Variants in CCBE1 observed in about 807,000 individuals in gnomAD.
The protein encoded by CCBE1 is collagen and calcium-binding EGF domain-containing protein 1.
CCBE1 carries 37 observed loss-of-function variants against 50.0 expected under a neutral mutation model. The ratio of observed to expected loss-of-function variants is 0.74; its 90% CI spans 0.57 to 0.97. CCBE1 has a LOEUF of 0.97. CCBE1 is among the 50% of genes least tolerant of loss of function. The pLI, the probability that CCBE1 is intolerant of heterozygous loss-of-function variation, is 0.00. For missense variants in CCBE1, 538 were observed against 523.8 expected, an observed-to-expected ratio of 1.03 and a Z score of -0.26; for synonymous variants, 234 against 203.7, an observed-to-expected ratio of 1.15 and a Z score of -1.27.
intron 2 of CCBE1, among the ~76,000 whole-genome samples, chr18:59,492,754 G>A (rs553566363): frequency 6.6e-6 from 1 of 152,322 alleles, no homozygotes; most frequent in Non-Finnish European, 1.5e-5. Flanking sequence ...AAGCCAAAAT[G>A]ACAGAAGGAA....
intron 3 of CCBE1, among the ~76,000 whole-genome samples, chr18:59,478,377 T>C (rs1218865046): frequency 6.6e-6 from 1 of 152,212 alleles, no homozygotes; most frequent in South Asian, 2.1e-4. Flanking sequence ...CATTCTTTGA[T>C]GATAGAAACA....
chr18:59,619,499 G>T (rs559137521), intron 2 of CCBE1, among the ~76,000 whole-genome samples: 2 of 152,286 alleles, frequency 1.3e-5, no homozygotes, highest in Non-Finnish European at 2.9e-5. Context: ...GCAAGTTGTT[G>T]TAAAGGTACA....
intron 2 of CCBE1, among the ~76,000 whole-genome samples, chr18:59,522,993 C>CTAA (rs1914669526): frequency 2.4e-4 from 21 of 89,166 alleles, no homozygotes; most frequent in African/African-American, 7.9e-4. Context: ...GACTCTGTTT[C>CTAA]AAAAAAAAAA....
At chr18:59,536,651 G>A (rs887876027) in intron 2 of CCBE1, among the ~76,000 whole-genome samples, 2 of 152,068 alleles carry the variant, frequency 1.3e-5, no homozygotes, top group Non-Finnish European at 2.9e-5. Context: ...AAAACAACAC[G>A]TATTCAACAG....
chr18:59,528,433 TC>T (rs1426227185), intron 2 of CCBE1, among the ~76,000 whole-genome samples: 1 of 152,212 alleles, frequency 6.6e-6, no homozygotes, highest in Non-Finnish European at 1.5e-5. Flanking sequence ...TCAGTGAAGT[TC>T]GTTATTACCC....
intron 3 of CCBE1, among the ~76,000 whole-genome samples, chr18:59,471,788 A>G (rs1912047753): frequency 6.6e-6 from 1 of 152,202 alleles, no homozygotes; most frequent in African/African-American, 2.4e-5. Flanking sequence ...GGAAGAAAGG[A>G]TATCTGCCTT....
chr18:59,461,669 A>G (rs558381802), intron 5 of CCBE1, among the ~76,000 whole-genome samples: 16 of 149,254 alleles, frequency 1.1e-4, no homozygotes, highest in African/African-American at 4.0e-4. Context: ...TGCAATTGCT[A>G]TATTTGGGGA....
In CCBE1 at chr18:59,439,670, T is replaced by C; in HGVS notation, c.915+7A>G. On this transcript the variant is annotated splice_region_variant and intron_variant, in intron 8 of 10. Coordinates refer to ENST00000439986, the MANE Select transcript of CCBE1 (RefSeq NM_133459.4). ...AAAAGGAAGTGGATCTCTGATAAGA[T>C]ACTGACCACAGGGCCCCTCCGGCCT... 6.2e-7 allele frequency: 1 copy of C among 1,614,224 alleles called. No individual in the cohort carries two copies. Among genetic ancestry groups the C allele is most frequent in the Non-Finnish European group, 8.5e-7 (1 of 1,180,016 alleles).
intron 2 of CCBE1, among the ~76,000 whole-genome samples, chr18:59,670,121 G>A (rs1432945165): frequency 2.0e-5 from 3 of 149,800 alleles, no homozygotes; most frequent in Admixed American, 6.7e-5. Flanking sequence ...GTTTCAGAAA[G>A]CAGGAGGGGG....
rs140399923 is a variant in CCBE1, at chr18:59,589,922, A to G, written c.212+106707T>C. Among the ~76,000 whole-genome samples, 316 of 152,320 alleles carry G rather than the reference A, an allele frequency of 2.1e-3. 4 individuals carry two copies. In the East Asian group the frequency reaches 0.032, roughly 15 times the overall value. ...ATATAACATAGCATATTATTAGGAA[A>G]GAGAACCATAAGATTATTTCCATAG... is the stretch of plus-strand genomic sequence containing the variant. On this transcript the variant is annotated intron_variant, in intron 2 of 10. Transcript: ENST00000439986.
chr18:59,483,795 C>T (rs1217340482), intron 2 of CCBE1, among the ~76,000 whole-genome samples: 3 of 152,084 alleles, frequency 2.0e-5, no homozygotes, highest in African/African-American at 7.2e-5. Flanking sequence ...AGTATGCTTT[C>T]AATATAAAAA....
chr18:59,631,169 T>G (rs538626147), intron 2 of CCBE1, among the ~76,000 whole-genome samples: 1 of 151,854 alleles, frequency 6.6e-6, no homozygotes, highest in African/African-American at 2.4e-5. Context: ...AATATTGATA[T>G]GTAGCTCAAC....
chr18:59,640,071 TAC>T (rs2053966132), intron 2 of CCBE1, among the ~76,000 whole-genome samples: 4 of 152,190 alleles, frequency 2.6e-5, no homozygotes, highest in Admixed American at 2.6e-4. Flanking sequence ...CAAAGCAGTT[TAC>T]AGAGTCAATG....
rs116906993 is a variant in CCBE1 at position 59,533,467 on chromosome 18, A to T, written c.213-53229T>A. Among the ~76,000 whole-genome samples, 1,022 of 152,324 alleles carry T rather than the reference A, an allele frequency of 6.7e-3. 8 individuals carry two copies. The highest frequency in any genetic ancestry group is 0.011 in the Non-Finnish European group (736 of 68,018). ...ACTTTTTCTTGTATTTTTAGTGCAT[A>T]CTTTTCAAAATTTTATATTCACATA... On this transcript the variant is annotated intron_variant, in intron 2 of 10. Coordinates refer to ENST00000439986, the MANE Select transcript of CCBE1 (RefSeq NM_133459.4).
At chr18:59,570,679 C>T (rs531231881) in intron 2 of CCBE1, among the ~76,000 whole-genome samples, 5 of 150,506 alleles carry the variant, frequency 3.3e-5, no homozygotes, top group South Asian at 4.2e-4. Context: ...GATGTGCTGG[C>T]GGGGGTGGGG....
intron 2 of CCBE1, among the ~76,000 whole-genome samples, chr18:59,599,433 G>T (rs971683129): frequency 1.3e-5 from 2 of 152,162 alleles, no homozygotes; most frequent in Non-Finnish European, 2.9e-5. Flanking sequence ...AACAGAAGCT[G>T]CCCTGAATTA....
At chr18:59,516,166 C>T (rs1914360669) in intron 2 of CCBE1, among the ~76,000 whole-genome samples, 1 of 151,918 alleles carries the variant, frequency 6.6e-6, no homozygotes, top group African/African-American at 2.4e-5. Flanking sequence ...GCCATGTTGG[C>T]CAGTCTGGTC....
chr18:59,552,861 G>A (rs891587684), intron 2 of CCBE1, among the ~76,000 whole-genome samples: 1 of 152,204 alleles, frequency 6.6e-6, no homozygotes, highest in African/African-American at 2.4e-5. Flanking sequence ...TAAGGAGGGA[G>A]TTTCCTCCTT....
At chr18:59,583,585 T>G (rs186711934) in intron 2 of CCBE1, among the ~76,000 whole-genome samples, 1 of 152,306 alleles carries the variant, frequency 6.6e-6, no homozygotes, top group East Asian at 1.9e-4. Flanking sequence ...CATTGAGATT[T>G]ATTATGAGGA....
Sources: gnomAD v4.1 joint callset for allele counts (sites outside exome capture counted in the v4.1 genomes callset) on GRCh38, gnomAD v4.1.1 for gene constraint, MANE v1.5 for transcripts, NCBI Gene and HGNC (gene_info 2026-07-23, HGNC 2026-07-21) for gene names.